EXOC6B: variants seen among roughly 807,000 people sequenced by gnomAD.
EXOC6B encodes the protein exocyst complex component 6B, also known as SEC15 homolog B.
Under a neutral mutation model 113.5 loss-of-function variants are expected in EXOC6B, and 54 were observed. That is an observed-to-expected ratio of 0.48 (90% confidence interval 0.38 to 0.60). EXOC6B has a LOEUF of 0.60. Among genes scored for constraint, EXOC6B ranks in the 20% least tolerant of loss-of-function variants. The pLI, the probability that EXOC6B is intolerant of heterozygous loss-of-function variation, is 0.00. For missense variants in EXOC6B, 797 were observed against 977.5 expected (o/e 0.82, Z 2.46); for synonymous variants, 357 against 339.0 (o/e 1.05, Z -0.58).
chr2:72,630,728 G>A (rs1311885229), intron 6 of EXOC6B, among the ~76,000 whole-genome samples: 1 of 152,012 alleles, frequency 6.6e-6, no homozygotes, highest in Non-Finnish European at 1.5e-5. Flanking sequence ...GGAAATACAG[G>A]GTGACTGCTA....
chr2:72,707,729 T>C (rs1282664619), intron 6 of EXOC6B, among the ~76,000 whole-genome samples: 2 of 152,142 alleles, frequency 1.3e-5, no homozygotes, highest in Non-Finnish European at 1.5e-5. Flanking sequence ...CATTTTTCAT[T>C]AGAAAACAAA....
chr2:72,179,546 C>A (rs1272228003), intron 21 of EXOC6B, 85 bp from the exon 22 acceptor site: 14 of 1,469,692 alleles, frequency 9.5e-6, no homozygotes, highest in Non-Finnish European at 1.3e-5. Context: ...GATGGCAATG[C>A]ATCTTAACCA....
At chr2:72,653,533 G>A (rs1197668934) in intron 6 of EXOC6B, among the ~76,000 whole-genome samples, 1 of 148,244 alleles carries the variant, frequency 6.7e-6, no homozygotes, top group African/African-American at 2.5e-5. Flanking sequence ...TTGTGCACAT[G>A]TACCCTAAAA....
intron 6 of EXOC6B, among the ~76,000 whole-genome samples, chr2:72,691,687 T>TC: frequency 6.6e-6 from 1 of 151,330 alleles, no homozygotes; most frequent in African/African-American, 2.4e-5. Context: ...ATCTATTTTT[T>TC]TTTTTTTTTT....
chr2:72,481,393 T>C (rs1236998392), intron 16 of EXOC6B, among the ~76,000 whole-genome samples: 1 of 152,204 alleles, frequency 6.6e-6, no homozygotes, highest in Non-Finnish European at 1.5e-5. Context: ...TTAAAAAAGA[T>C]TAGACTAAGA....
chr2:72,593,959 A>G (rs1706145336), intron 6 of EXOC6B, among the ~76,000 whole-genome samples: 1 of 152,126 alleles, frequency 6.6e-6, no homozygotes, highest in Non-Finnish European at 1.5e-5. Context: ...AAATTCTATC[A>G]AACATTCTGG....
At chr2:72,470,543 T>G (rs767963397) in intron 17 of EXOC6B, among the ~76,000 whole-genome samples, 14 of 152,146 alleles carry the variant, frequency 9.2e-5, no homozygotes, top group Admixed American at 3.3e-4. Context: ...TGTATACATG[T>G]GCCATGTTGG....
chr2:72,221,066 G>A (rs1680838364), intron 20 of EXOC6B, among the ~76,000 whole-genome samples: 1 of 152,094 alleles, frequency 6.6e-6, no homozygotes, highest in Non-Finnish European at 1.5e-5. Context: ...TGAACGCTAG[G>A]TCTTATTTCT....
At chr2:72,338,972 C>T (rs1283309909) in intron 19 of EXOC6B, among the ~76,000 whole-genome samples, 2 of 151,564 alleles carry the variant, frequency 1.3e-5, no homozygotes, top group African/African-American at 2.4e-5. Flanking sequence ...CATACATACA[C>T]ATACACATAC....
intron 19 of EXOC6B, among the ~76,000 whole-genome samples, chr2:72,345,279 T>C (rs1689263673): frequency 6.6e-6 from 1 of 152,182 alleles, no homozygotes; most frequent in Admixed American, 6.5e-5. Context: ...TGGTACTTCC[T>C]ATTTCTCCTA....
At chr2:72,357,996 G>A (rs927824171) in intron 19 of EXOC6B, among the ~76,000 whole-genome samples, 13 of 152,082 alleles carry the variant, frequency 8.5e-5, no homozygotes, top group Non-Finnish European at 1.5e-4. Flanking sequence ...AGCAATGTAC[G>A]ACTGTATAAG....
chr2:72,348,920 C>T (rs1271177032), intron 19 of EXOC6B, among the ~76,000 whole-genome samples: 2 of 152,118 alleles, frequency 1.3e-5, no homozygotes, highest in African/African-American at 4.8e-5. Flanking sequence ...AAAAAGTCAG[C>T]ATGACCCATT....
At position 72,523,076 on chromosome 2, in the gene EXOC6B, C is replaced by T. The variant is rs114090743; in HGVS notation, c.916-7950G>A. On this transcript the variant is annotated intron_variant, in intron 8 of 21. Coordinates refer to ENST00000272427, the MANE Select transcript of EXOC6B (RefSeq NM_015189.3). ...CCAGACACTTGTCTGGATAAAAACA[C>T]AGGCCACTCAATATGGGCAAATGAA... is the stretch of plus-strand genomic sequence containing the variant. Among the ~76,000 whole-genome samples the T allele has an allele frequency of 4.9e-3, 751 of 152,252 alleles. 11 individuals are homozygous for T. Among genetic ancestry groups the T allele is most frequent in the African/African-American group, 0.017 (697 of 41,532 alleles).
At chr2:72,407,979 C>T (rs563662462) in intron 18 of EXOC6B, among the ~76,000 whole-genome samples, 1 of 152,070 alleles carries the variant, frequency 6.6e-6, no homozygotes, top group African/African-American at 2.4e-5. Context: ...TCGTCTCAGC[C>T]CAAAATCTCC....
chr2:72,301,856 T>C (rs1475789872), intron 20 of EXOC6B, among the ~76,000 whole-genome samples: 2 of 152,184 alleles, frequency 1.3e-5, no homozygotes, highest in African/African-American at 2.4e-5. Flanking sequence ...AGCTCTGATT[T>C]TGGTTATTTC....
At chr2:72,549,412 T>C (rs1286002748) in intron 8 of EXOC6B, among the ~76,000 whole-genome samples, 1 of 152,052 alleles carries the variant, frequency 6.6e-6, no homozygotes, top group Non-Finnish European at 1.5e-5. Context: ...AATTTTAGGA[T>C]AGGAAAAGAT....
chr2:72,475,814 A>T (rs759831852), intron 17 of EXOC6B, among the ~76,000 whole-genome samples: 2 of 152,010 alleles, frequency 1.3e-5, no homozygotes, highest in Non-Finnish European at 2.9e-5. Flanking sequence ...CCCAAGTGGC[A>T]CTCTTTCCTC....
At chr2:72,611,494 A>C (rs1671071751) in intron 6 of EXOC6B, among the ~76,000 whole-genome samples, 2 of 152,220 alleles carry the variant, frequency 1.3e-5, no homozygotes, top group African/African-American at 4.8e-5. Flanking sequence ...AAACAAAAAG[A>C]GAGTATTAGT....
chr2:72,746,596 T>G (rs1270736453), intron 1 of EXOC6B, among the ~76,000 whole-genome samples: 1 of 152,094 alleles, frequency 6.6e-6, no homozygotes, highest in Non-Finnish European at 1.5e-5. Flanking sequence ...CATTCACCTG[T>G]ACCAAACCAC....
Sources: allele counts gnomAD v4.1 joint callset (sites outside exome capture counted in the v4.1 genomes callset), GRCh38; gene constraint gnomAD v4.1.1; transcripts MANE v1.5; gene names NCBI Gene and HGNC (gene_info 2026-07-23, HGNC 2026-07-21).